Variants in PACRG observed in about 807,000 individuals in gnomAD.
PACRG encodes parkin coregulated gene protein.
PACRG carries 29 observed loss-of-function variants against 29.7 expected under a neutral mutation model. The observed-to-expected ratio is 0.98, with a 90% CI of 0.73 to 1.33. The LOEUF (loss-of-function observed/expected upper bound fraction) is 1.33. Ranked by LOEUF, PACRG falls within the 40% of genes most tolerant of loss-of-function variation. The pLI, the probability that PACRG is intolerant of heterozygous loss-of-function variation, is 0.00. For missense variants in PACRG, 279 were observed against 316.2 expected, an observed-to-expected ratio of 0.88 and a Z score of 0.89; for synonymous variants, 116 against 118.7, an observed-to-expected ratio of 0.98 and a Z score of 0.15.
chr6:163,247,336 C>T (rs1357110058), intron 4 of PACRG, among the ~76,000 whole-genome samples: 2 of 152,148 alleles, frequency 1.3e-5, no homozygotes, highest in Non-Finnish European at 2.9e-5. Context: ...TCCTTATGCT[C>T]CTTCTGTGAA....
chr6:163,158,721 A>T (rs1778425374), intron 4 of PACRG, among the ~76,000 whole-genome samples: 1 of 152,204 alleles, frequency 6.6e-6, no homozygotes, highest in East Asian at 1.9e-4. Context: ...TGAATTAGAC[A>T]TTACTAGGAA....
chr6:163,053,496 G>T (rs1220383953), intron 2 of PACRG, among the ~76,000 whole-genome samples: 1 of 152,116 alleles, frequency 6.6e-6, no homozygotes, highest in East Asian at 1.9e-4. Context: ...TTTTTTAAAT[G>T]TACAACTATT....
chr6:162,845,242 A>C (rs913842685), intron 2 of PACRG, among the ~76,000 whole-genome samples: 17 of 152,148 alleles, frequency 1.1e-4, no homozygotes, highest in African/African-American at 4.1e-4. Flanking sequence ...CAAACAAACA[A>C]AACCCCACTG....
intron 1 of PACRG, among the ~76,000 whole-genome samples, chr6:162,769,486 GCATAGGGCTCA>G (rs1169634551): frequency 2.0e-5 from 3 of 152,006 alleles, no homozygotes; most frequent in Non-Finnish European, 4.4e-5. Flanking sequence ...GTAGTCTTAG[GCATAGGGCTCA>G]GCTTTTTAAA....
intron 4 of PACRG, among the ~76,000 whole-genome samples, chr6:163,217,183 A>T (rs1468737183): frequency 6.6e-6 from 1 of 152,206 alleles, no homozygotes; most frequent in Non-Finnish European, 1.5e-5. Context: ...CTGGGAATGT[A>T]CCGCTCCCTG....
intron 1 of PACRG, among the ~76,000 whole-genome samples, chr6:162,732,498 A>G (rs1018888147): frequency 2.0e-5 from 3 of 152,170 alleles, no homozygotes; most frequent in Admixed American, 6.5e-5. Context: ...GCTCAAACTC[A>G]CAATGTTTTA....
chr6:162,977,893 C>T (rs1802086740), intron 2 of PACRG, among the ~76,000 whole-genome samples: 1 of 152,120 alleles, frequency 6.6e-6, no homozygotes, highest in African/African-American at 2.4e-5. Flanking sequence ...TCTGTAATCC[C>T]AGCACTTTGG....
At chr6:162,819,705 T>A (rs1464491661) in intron 2 of PACRG, among the ~76,000 whole-genome samples, 1 of 152,250 alleles carries the variant, frequency 6.6e-6, no homozygotes, top group Non-Finnish European at 1.5e-5. Context: ...ATACAGGAGC[T>A]GATTGTTTTT....
chr6:162,875,245 TCACA>T (rs894943434), intron 2 of PACRG, among the ~76,000 whole-genome samples: 2 of 140,430 alleles, frequency 1.4e-5, no homozygotes, highest in Non-Finnish European at 3.1e-5. Context: ...GCACAGACAT[TCACA>T]CACAGACATG....
rs542656485 is a variant in PACRG at position 162,908,130 on chromosome 6, CT to C, written c.291+93851del. ...TTTAAGTCATAGGCATATATTAATACTTACATAAAGTCATATACCAATTTTA... is the reference window on the plus strand; with the variant it reads ...TTTAAGTCATAGGCATATATTAATACTACATAAAGTCATATACCAATTTTA... On this transcript the variant is annotated intron_variant, in intron 2 of 4. Transcript: ENST00000366888. 3.3e-5 allele frequency among the ~76,000 whole-genome samples: 5 copies of C among 152,292 alleles called. No individual in the cohort carries two copies. The South Asian group carries it at 1.0e-3, about 32-fold the overall frequency.
intron 1 of PACRG, among the ~76,000 whole-genome samples, chr6:162,772,658 T>G (rs1783310708): frequency 6.6e-6 from 1 of 152,130 alleles, no homozygotes; most frequent in Non-Finnish European, 1.5e-5. Context: ...TTTGAGCAAG[T>G]GGTGAATGAT....
intron 2 of PACRG, among the ~76,000 whole-genome samples, chr6:162,838,431 A>G (rs904395026): frequency 2.0e-5 from 3 of 152,084 alleles, no homozygotes; most frequent in Non-Finnish European, 4.4e-5. Context: ...CTTCACTTTC[A>G]TCTACTTTTT....
intron 2 of PACRG, among the ~76,000 whole-genome samples, chr6:162,944,490 A>T (rs1231925154): frequency 6.6e-6 from 1 of 152,198 alleles, no homozygotes; most frequent in Non-Finnish European, 1.5e-5. Flanking sequence ...AAAATTTATG[A>T]AATCCTGGGA....
intron 4 of PACRG, among the ~76,000 whole-genome samples, chr6:163,118,232 G>A (rs2128323309): frequency 6.6e-6 from 1 of 152,314 alleles, no homozygotes; most frequent in African/African-American, 2.4e-5. Flanking sequence ...CTGGAGAGAG[G>A]CATTCAATTT....
chr6:162,735,158 G>T (rs1439261624), intron 1 of PACRG, among the ~76,000 whole-genome samples: 2 of 152,116 alleles, frequency 1.3e-5, no homozygotes, highest in African/African-American at 2.4e-5. Context: ...ATGGGTATTT[G>T]TGTGACCTCC....
At chr6:162,734,733 A>T (rs1780029890) in intron 1 of PACRG, among the ~76,000 whole-genome samples, 1 of 152,192 alleles carries the variant, frequency 6.6e-6, no homozygotes, top group African/African-American at 2.4e-5. Context: ...AGGATAGAGC[A>T]AGGACTGGAA....
At chr6:163,265,879 T>C (rs1783514460) in intron 4 of PACRG, among the ~76,000 whole-genome samples, 1 of 152,190 alleles carries the variant, frequency 6.6e-6, no homozygotes, top group Non-Finnish European at 1.5e-5. Context: ...AGTCAAAAAT[T>C]AATCTAATAT....
At chr6:163,116,270 G>A (rs1815986998) in intron 4 of PACRG, among the ~76,000 whole-genome samples, 1 of 152,110 alleles carries the variant, frequency 6.6e-6, no homozygotes, top group African/African-American at 2.4e-5. Context: ...GCGAGATTAG[G>A]GAGCAGATAC....
Position 162,841,973 on chromosome 6 carries a change from A to T in PACRG, c.291+27692A>T, listed in dbSNP as rs774223698. Among the ~76,000 whole-genome samples, 443 of 149,874 alleles carry T rather than the reference A, an allele frequency of 3.0e-3. 2 individuals are homozygous for T. The highest frequency in any genetic ancestry group is 3.5e-3 in the Non-Finnish European group (237 of 66,948). On this transcript the variant is annotated intron_variant, in intron 2 of 4. Transcript: ENST00000366888. ...GTGGTCTGAGAGATAGTTTGTTATA[A>T]TCTCTGTTCTTTTACATTTGCTGAG...
Sources: gnomAD v4.1 joint callset for allele counts (sites outside exome capture counted in the v4.1 genomes callset) on GRCh38, gnomAD v4.1.1 for gene constraint, MANE v1.5 for transcripts, NCBI Gene and HGNC (gene_info 2026-07-23, HGNC 2026-07-21) for gene names.